The following SMARCA2 variants were observed in gnomAD, a reference collection of about 807,000 sequenced individuals.
The protein encoded by SMARCA2 is SWI/SNF related BAF chromatin remodeling complex subunit ATPase 2.
A neutral mutation model predicts 199.8 loss-of-function variants in SMARCA2; 61 were observed. That is an observed-to-expected ratio of 0.31 (90% CI 0.25 to 0.38). SMARCA2 has a LOEUF of 0.38. Among genes scored for constraint, SMARCA2 ranks in the 10% least tolerant of loss-of-function variants. The pLI is 1.00. For missense variants in SMARCA2, 1,344 were observed against 2,012.2 expected, an observed-to-expected ratio of 0.67 and a Z score of 6.35; for synonymous variants, 935 against 732.0, an observed-to-expected ratio of 1.28 and a Z score of -4.48.
intron 27 of SMARCA2, chr9:2,159,018 A>C (rs1182832005): frequency 1.9e-6 from 3 of 1,608,556 alleles, no homozygotes; most frequent in East Asian, 4.5e-5. Context: ...CCAAAACCTA[A>C]ATTTAATAAG....
At position 2,121,885 on chromosome 9, in the gene SMARCA2, G is replaced by A. The variant is rs183636267; in HGVS notation, c.3763-1834G>A. Among the ~76,000 whole-genome samples, 6 of 152,284 alleles carry A rather than the reference G, an allele frequency of 3.9e-5. No individual in the cohort carries two copies. The East Asian group carries it at 1.2e-3, about 29-fold the overall frequency. On this transcript the variant is annotated intron_variant, in intron 26 of 33. Transcript: ENST00000349721. The stretch of plus-strand genomic sequence containing the variant: ...CAAACATTAAGCTTTTAGATGCTAT[G>A]TTCTCTACAAAGGGAAAAAGCACTT...
At chr9:2,057,387 T>C (rs1820402414) in intron 7 of SMARCA2, among the ~76,000 whole-genome samples, 1 of 152,138 alleles carries the variant, frequency 6.6e-6, no homozygotes, top group Non-Finnish European at 1.5e-5. Context: ...CACCTCCTAA[T>C]ACCATTACAT....
intron 19 of SMARCA2, among the ~76,000 whole-genome samples, chr9:2,094,409 C>T (rs1322621056): frequency 3.3e-5 from 5 of 152,144 alleles, no homozygotes; most frequent in African/African-American, 1.2e-4. Flanking sequence ...CACCTCCAGC[C>T]CTTAGCAGTG....
At chr9:2,048,288 G>C (rs1478625263) in intron 5 of SMARCA2, among the ~76,000 whole-genome samples, 1 of 152,176 alleles carries the variant, frequency 6.6e-6, no homozygotes, top group Non-Finnish European at 1.5e-5. Context: ...CTAAGGTTGT[G>C]GATTCTGGAG....
At chr9:2,186,806 A>G (rs1015284029) in intron 32 of SMARCA2, among the ~76,000 whole-genome samples, 1 of 152,212 alleles carries the variant, frequency 6.6e-6, no homozygotes, top group African/African-American at 2.4e-5. Context: ...GATTATAGGC[A>G]CAAGCCGCCA....
At chr9:2,083,995 CAT>C (rs1300002862) in intron 16 of SMARCA2, 89 bp from the exon 17 acceptor site, 1 of 684,736 alleles carries the variant, frequency 1.5e-6, no homozygotes, top group East Asian at 2.7e-5. Context: ...TCTTCAGTCA[CAT>C]GTCTGGGCAT....
At position 2,115,867 on chromosome 9, in the gene SMARCA2, G is replaced by A; in HGVS notation, c.3502G>A (p.Glu1168Lys). 1 of 1,614,028 alleles carries A rather than the reference G, an allele frequency of 6.2e-7. No homozygotes were observed. The highest frequency in any genetic ancestry group is 8.5e-7 in the Non-Finnish European group (1 of 1,179,986). The change falls in exon 25 of 34, where the codon GAG becomes AAG. Residue 1168 changes from glutamate (E) to lysine (K), a missense_variant. Physicochemically the swap from Glu to Lys is moderately conservative, Grantham distance 56. Coordinates refer to ENST00000349721, the MANE Select transcript of SMARCA2 (RefSeq NM_003070.5). The surrounding 1 kb of genome is among the most constrained non-coding windows in gnomAD (Gnocchi z 6.0). ...AGCTCACCGCATCGGGCAGCAGAAC[G>A]AGGTCCGGGTACTGAGGCTCTGTAC... ...DRAHRIGQQN[E>K]VRVLRLCTVN...
At chr9:2,186,032 G>A (rs558096145) in intron 31 of SMARCA2, 64 bp from the exon 32 acceptor site, 3 of 1,509,956 alleles carry the variant, frequency 2.0e-6, no homozygotes, top group East Asian at 2.3e-5. Context: ...TATTGCATAA[G>A]GAAGAGTTCA....
chr9:2,110,519 C>T lies in SMARCA2; in HGVS notation c.3456+102C>T, dbSNP rs1241295340. On this transcript the variant is annotated intron_variant, in intron 24 of 33. Transcript: ENST00000349721. This position sits in a 1 kb window ranked among gnomAD's most constrained non-coding sequence, Gnocchi z 4.8. The stretch of plus-strand genomic sequence containing the variant: ...TTACAGGACAGAGCAAATATCTAAA[C>T]GAGTGGGCTGTTGCTTTCTTGGAGC... The T allele has an allele frequency of 1.4e-5, 13 of 915,760 alleles. No homozygotes were observed. Among genetic ancestry groups the T allele is most frequent in the Non-Finnish European group, 2.0e-5 (13 of 643,318 alleles). 56.7% of individuals were successfully genotyped at this position (915,760 alleles called of 1,614,324 possible).
chr9:2,114,544 A>G (rs965573827), intron 24 of SMARCA2, among the ~76,000 whole-genome samples: 5 of 152,222 alleles, frequency 3.3e-5, no homozygotes, highest in African/African-American at 7.2e-5. Flanking sequence ...CTAAAAATCT[A>G]TACAGTCTAA....
At chr9:2,151,101 A>C (rs1486443271) in intron 27 of SMARCA2, among the ~76,000 whole-genome samples, 1 of 151,544 alleles carries the variant, frequency 6.6e-6, no homozygotes, top group Non-Finnish European at 1.5e-5. Context: ...TTTGGGGCTA[A>C]CTTCACAAAT....
intron 9 of SMARCA2, among the ~76,000 whole-genome samples, chr9:2,062,522 A>T (rs1354833725): frequency 6.6e-6 from 1 of 152,190 alleles, no homozygotes; most frequent in Non-Finnish European, 1.5e-5. Flanking sequence ...TTGAGTGTTG[A>T]TGATTATGCC....
chr9:2,180,555 G>GAT (rs888852237), intron 29 of SMARCA2, among the ~76,000 whole-genome samples: 2 of 152,134 alleles, frequency 1.3e-5, no homozygotes, highest in African/African-American at 2.4e-5. Context: ...ATTAATTTTT[G>GAT]ATATTTCTGG....
intron 9 of SMARCA2, among the ~76,000 whole-genome samples, chr9:2,067,606 C>T (rs891925858): frequency 2.0e-5 from 3 of 152,134 alleles, no homozygotes; most frequent in Non-Finnish European, 4.4e-5. Context: ...TGTTTGTTAC[C>T]GTTCCTATTT....
chr9:2,073,077 C>T, intron 10 of SMARCA2, 135 bp from the exon 11 acceptor site: 1 of 1,003,724 alleles, frequency 1.0e-6, no homozygotes, highest in Non-Finnish European at 1.5e-6. Context: ...CACCAACACT[C>T]ATTAGGTAGT....
chr9:2,103,960 G>T lies in SMARCA2; in HGVS notation c.3126-43G>T, dbSNP rs760675575. ...CAATGCTGGATTTTTTAAGAAGACA[G>T]AAGTAATACTGTCTTCTTGTTTTTG... On this transcript the variant is annotated intron_variant, in intron 22 of 33. Coordinates refer to ENST00000349721, the MANE Select transcript of SMARCA2 (RefSeq NM_003070.5). 7 of 1,590,300 alleles carry T rather than the reference G, an allele frequency of 4.4e-6. No individual in the cohort carries two copies. The Admixed American group carries it at 1.2e-4, about 27-fold the overall frequency.
At chr9:2,052,599 A>G (rs769457197) in intron 5 of SMARCA2, among the ~76,000 whole-genome samples, 30 of 152,244 alleles carry the variant, frequency 2.0e-4, no homozygotes, top group Non-Finnish European at 3.8e-4. Flanking sequence ...AACAAGAATC[A>G]GTCTTAGATA....
In SMARCA2 at chr9:2,170,103, C is replaced by T. The variant is rs76746585; in HGVS notation, c.4200-316C>T. Among the ~76,000 whole-genome samples, 10 of 152,292 alleles carry T rather than the reference C, an allele frequency of 6.6e-5. No individual in the cohort carries two copies. In the East Asian group the frequency reaches 1.7e-3, roughly 26 times the overall value. On this transcript the variant is annotated intron_variant, in intron 28 of 33. Transcript: ENST00000349721. This position sits in a 1 kb window ranked among gnomAD's most constrained non-coding sequence, Gnocchi z 4.7. ...TCCCAAGATCACACGCACCTCTAGCCAGTGGCTGCCTGTCTCCCACCTTCT... is the reference window on the plus strand; with the variant it reads ...TCCCAAGATCACACGCACCTCTAGCTAGTGGCTGCCTGTCTCCCACCTTCT...
intron 24 of SMARCA2, among the ~76,000 whole-genome samples, chr9:2,114,554 A>T (rs1242719917): frequency 2.0e-5 from 3 of 152,200 alleles, no homozygotes; most frequent in Non-Finnish European, 4.4e-5. Flanking sequence ...ATACAGTCTA[A>T]TGGGAGACAT....
Sources: gnomAD v4.1 joint callset for allele counts (sites outside exome capture counted in the v4.1 genomes callset) on GRCh38, gnomAD v4.1.1 for gene constraint, Gnocchi (gnomAD v3.1) non-coding constraint, MANE v1.5 for transcripts, NCBI Gene and HGNC (gene_info 2026-07-23, HGNC 2026-07-21) for gene names.